C2CD3: variants seen among roughly 807,000 people sequenced by gnomAD.
C2CD3 encodes the protein C2 domain containing 3 centriole elongation regulator, also known as C2 domain-containing protein 3.
A neutral mutation model predicts 234.0 loss-of-function variants in C2CD3; 148 were observed. That is an observed-to-expected ratio of 0.63 (90% CI 0.55 to 0.72). The LOEUF (loss-of-function observed/expected upper bound fraction) is 0.72. C2CD3 is among the 30% of genes least tolerant of loss of function. The pLI is 0.00. For missense variants in C2CD3, 2,577 were observed against 2,811.5 expected, an observed-to-expected ratio of 0.92 and a Z score of 1.89; for synonymous variants, 1,000 against 1,035.4, an observed-to-expected ratio of 0.97 and a Z score of 0.66.
At chr11:74,147,391 T>G (rs1455882246) in intron 3 of C2CD3, among the ~76,000 whole-genome samples, 1 of 152,166 alleles carries the variant, frequency 6.6e-6, no homozygotes, top group African/African-American at 2.4e-5. Context: ...CATTCCAGCT[T>G]GGGCAACAGA....
In C2CD3 at chr11:74,132,875, C is replaced by A. The variant is rs1262222913; in HGVS notation, c.1186G>T (p.Asp396Tyr). 6.2e-7 allele frequency: 1 copy of A among 1,613,954 alleles called. No individual in the cohort carries two copies. The highest frequency in any genetic ancestry group is 2.2e-5 in the East Asian group (1 of 44,846). ...NTFWRHDTKA[D>Y]TRAIQLLLGS... ...AATAGCAGCTGTATAGCTCTGGTAT[C>A]AGCTTTTGTGTCATGTCTCCAAAAT... The change falls in exon 7 of 33, where the codon GAT (aspartate) becomes TAT (tyrosine). Residue 396 changes from aspartate to tyrosine, a missense_variant. Coordinates refer to ENST00000334126, the MANE Select transcript of C2CD3 (RefSeq NM_001286577.2).
At chr11:74,049,232 T>A in intron 27 of C2CD3, 105 bp downstream of exon 27, 1 of 891,994 alleles carries the variant, frequency 1.1e-6, no homozygotes, top group South Asian at 1.6e-5. Context: ...ACACATATAG[T>A]ATATAACGTA....
Position 74,049,385 on chromosome 11 carries a change from G to T in C2CD3, c.5313C>A (p.Phe1771Leu), listed in dbSNP as rs1953560981. 1 of 1,614,124 alleles carries T rather than the reference G, an allele frequency of 6.2e-7. No homozygotes were observed. Among genetic ancestry groups the T allele is most frequent in the Non-Finnish European group, 8.5e-7 (1 of 1,179,988 alleles). ...CACGCCTTGCTTGCCTTTCTTCTTT[G>T]AAGTGTATCAAACTCTCCAAAGGGG... ...AVSPLESLIH[F>L]KEERQARRGV... Residue 1771 changes from phenylalanine to leucine, a missense_variant, in exon 27 of 33, where the codon TTC (phenylalanine) becomes TTA (leucine). Physicochemically the swap from Phe to Leu is conservative, Grantham distance 22 (BLOSUM62 0). Coordinates refer to ENST00000334126, the MANE Select transcript of C2CD3 (RefSeq NM_001286577.2).
In C2CD3 at chr11:74,049,309, G is replaced by A. The variant is rs769834387; in HGVS notation, c.5361+28C>T. 4.4e-6 allele frequency: 7 copies of A among 1,575,264 alleles called. No individual in the cohort carries two copies. The African/African-American group carries it at 6.7e-5, about 15-fold the overall frequency. On this transcript the variant is annotated intron_variant, in intron 27 of 32. Transcript: ENST00000334126. ...CTTATAGGTCAGTACAATTCGTATT[G>A]GTTAGGGATGTGAATCTCCATACAT...
intron 3 of C2CD3, among the ~76,000 whole-genome samples, chr11:74,155,614 T>C (rs1349402607): frequency 1.3e-5 from 2 of 151,978 alleles, no homozygotes; most frequent in Non-Finnish European, 2.9e-5. Context: ...TTAGAAACAT[T>C]ATGTTAAATG....
Position 74,114,234 on chromosome 11 carries a change from G to C in C2CD3, c.1730+150C>G, listed in dbSNP as rs924472448. On this transcript the variant is annotated intron_variant, in intron 10 of 32. Transcript: ENST00000334126. ...CCCATACTTACTTACACAGTTCTTG[G>C]GATATAGCAGGGATTCAATATATTT... 3 of 650,806 alleles carry C rather than the reference G, an allele frequency of 4.6e-6. No individual in the cohort carries two copies. In the African/African-American group the frequency reaches 5.4e-5, roughly 12 times the overall value. The allele number at this position is 650,806 out of a possible 1,614,324, so 40.3% of individuals were successfully genotyped here. A position where few individuals can be genotyped will look rare whatever the true frequency, so the allele number is the denominator to read the frequency against.
chr11:74,106,743 C>T (rs1956536010), intron 12 of C2CD3, among the ~76,000 whole-genome samples: 1 of 152,132 alleles, frequency 6.6e-6, no homozygotes. Flanking sequence ...CTTTTTCTAT[C>T]ACTAAGAGTT....
rs61741635 is a variant in C2CD3 at position 74,132,948 on chromosome 11, C to T, written c.1113G>A (p.Arg371=). The change falls in exon 7 of 33, where the codon CGG becomes CGA. Residue 371 remains arginine, a synonymous_variant. Transcript: ENST00000334126. Reference sequence around the variant, plus strand: ...GGTGATCTTCAATGTGGTCTTTAAACCGATTCCTAGAAAAGGCTCTGATCC... The same window carrying T: ...GGTGATCTTCAATGTGGTCTTTAAATCGATTCCTAGAAAAGGCTCTGATCC... ...STQIRAFSRN[R]FKDHIEDHLL... 6.1e-3 allele frequency: 9,830 copies of T among 1,613,822 alleles called. 59 individuals are homozygous for T. The highest frequency in any genetic ancestry group is 0.018 in the Middle Eastern group (109 of 6,058).
chr11:74,131,932 C>T (rs1484990142), intron 7 of C2CD3, among the ~76,000 whole-genome samples: 1 of 152,156 alleles, frequency 6.6e-6, no homozygotes, highest in East Asian at 1.9e-4. Flanking sequence ...ACCACTATGC[C>T]CTATTAACTT....
intron 7 of C2CD3, among the ~76,000 whole-genome samples, chr11:74,124,893 A>AT (rs777793711): frequency 3.9e-5 from 6 of 152,122 alleles, no homozygotes; most frequent in African/African-American, 9.7e-5. Context: ...TTTGAAATTA[A>AT]TATTTATTTG....
chr11:74,035,143 A>G (rs73555978), intron 30 of C2CD3, among the ~76,000 whole-genome samples: 2,749 of 152,310 alleles, frequency 0.018, 80 homozygotes, highest in African/African-American at 0.063. Context: ...TCTCCCTCAC[A>G]GCACCTAACA....
chr11:74,126,974 C>G (rs185600549), intron 7 of C2CD3, among the ~76,000 whole-genome samples: 1 of 152,280 alleles, frequency 6.6e-6, no homozygotes, highest in African/African-American at 2.4e-5. Flanking sequence ...GACATTTCAT[C>G]TAAATGAAAT....
At chr11:74,165,783 T>G in intron 2 of C2CD3, among the ~76,000 whole-genome samples, 1 of 152,102 alleles carries the variant, frequency 6.6e-6, no homozygotes, top group Non-Finnish European at 1.5e-5. Context: ...GCCTCCCAAG[T>G]AGCTGGGACT....
At chr11:74,169,074 C>T (rs999090190) in intron 1 of C2CD3, among the ~76,000 whole-genome samples, 1 of 152,166 alleles carries the variant, frequency 6.6e-6, no homozygotes, top group Non-Finnish European at 1.5e-5. Context: ...AAAAAAATCA[C>T]TAACGATAAA....
chr11:74,113,772 T>C lies in C2CD3; in HGVS notation c.1843+8A>G, dbSNP rs1956833409. On this transcript the variant is annotated splice_region_variant and intron_variant, in intron 11 of 32. Coordinates refer to ENST00000334126, the MANE Select transcript of C2CD3 (RefSeq NM_001286577.2). ...GTCTAAGGTGCAGAAAACCAGTGTG[T>C]CTCTTACTTCCATCTGTAATTTTAC... 1.3e-6 allele frequency: 2 copies of C among 1,506,628 alleles called. No individual in the cohort carries two copies. The highest frequency in any genetic ancestry group is 1.8e-6 in the Non-Finnish European group (2 of 1,082,482). 93.3% of individuals were successfully genotyped at this position (1,506,628 alleles called of 1,614,324 possible). A position where few individuals can be genotyped will look rare whatever the true frequency, so the allele number is the denominator to read the frequency against.
At position 74,013,839 on chromosome 11, in the gene C2CD3, G is replaced by A. The variant is rs979074333; in HGVS notation, c.6922-314C>T. 3.9e-5 allele frequency among the ~76,000 whole-genome samples: 6 copies of A among 152,180 alleles called. No individual in the cohort carries two copies. In the East Asian group the frequency reaches 5.8e-4, roughly 15 times the overall value. On this transcript the variant is annotated intron_variant, in intron 32 of 32. Coordinates refer to ENST00000334126, the MANE Select transcript of C2CD3 (RefSeq NM_001286577.2). ...CTGTGCCTCTGGAGAAGGAGGCAGCGTCACCTCCAGGATAGGTTTGAATCC... is the reference window on the plus strand; with the variant it reads ...CTGTGCCTCTGGAGAAGGAGGCAGCATCACCTCCAGGATAGGTTTGAATCC...
chr11:74,168,254 A>G, intron 2 of C2CD3, 90 bp downstream of exon 2: 1 of 1,028,386 alleles, frequency 9.7e-7, no homozygotes. Flanking sequence ...ATGCCCATAT[A>G]TGCTAGGTAC....
At chr11:74,138,007 A>G (rs1223384337) in intron 5 of C2CD3, among the ~76,000 whole-genome samples, 3 of 152,360 alleles carry the variant, frequency 2.0e-5, no homozygotes, top group African/African-American at 7.2e-5. Flanking sequence ...AGTTATTTAA[A>G]AGACTTTTCT....
intron 8 of C2CD3, among the ~76,000 whole-genome samples, chr11:74,120,648 T>C (rs1027593252): frequency 1.3e-5 from 2 of 152,210 alleles, no homozygotes; most frequent in Admixed American, 6.5e-5. Context: ...CACCCAGTCA[T>C]AGGATTGCTG....
Sources: allele counts gnomAD v4.1 joint callset (sites outside exome capture counted in the v4.1 genomes callset), GRCh38; gene constraint gnomAD v4.1.1; transcripts MANE v1.5; gene names NCBI Gene and HGNC (gene_info 2026-07-23, HGNC 2026-07-21).